ELMO1: variants seen among roughly 807,000 people sequenced by gnomAD.
ELMO1 encodes the protein engulfment and cell motility 1.
ELMO1 carries 26 observed loss-of-function variants against 98.9 expected under a neutral mutation model. The observed-to-expected ratio is 0.26, with a 90% CI of 0.19 to 0.36. ELMO1 has a LOEUF of 0.36. Ranked by LOEUF, ELMO1 falls within the 10% of genes least tolerant of loss-of-function variation. The pLI, the probability that ELMO1 is intolerant of heterozygous loss-of-function variation, is 1.00. For synonymous variants in ELMO1, 346 were observed against 346.0 expected, an observed-to-expected ratio of 1.00 and a Z score of 0.00; for missense variants, 627 against 935.2, an observed-to-expected ratio of 0.67 and a Z score of 4.30.
At chr7:37,259,438 C>T (rs1413739115) in intron 5 of ELMO1, 88 bp from the exon 6 acceptor site, 6 of 1,442,720 alleles carry the variant, frequency 4.2e-6, no homozygotes, top group Non-Finnish European at 3.8e-6. Context: ...AACAGAGATA[C>T]AAAAGCCAAA....
chr7:36,942,171 G>T (rs79348431), intron 16 of ELMO1, among the ~76,000 whole-genome samples: 1,597 of 152,282 alleles, frequency 0.01, 34 homozygotes, highest in African/African-American at 0.036. Flanking sequence ...GCACTCCCCT[G>T]TCAGTCCAGA....
intron 15 of ELMO1, among the ~76,000 whole-genome samples, chr7:37,031,263 C>T (rs904791430): frequency 6.6e-6 from 1 of 152,096 alleles, no homozygotes; most frequent in African/African-American, 2.4e-5. Context: ...GATAAAGTAA[C>T]GCCTCTTCAC....
chr7:37,208,055 T>C (rs1792739117), intron 13 of ELMO1, among the ~76,000 whole-genome samples: 1 of 152,254 alleles, frequency 6.6e-6, no homozygotes, highest in African/African-American at 2.4e-5. Context: ...TTTAATAAAC[T>C]GTTCTTCTTG....
intron 1 of ELMO1, among the ~76,000 whole-genome samples, chr7:37,398,906 A>G (rs1803408198): frequency 6.6e-6 from 1 of 152,194 alleles, no homozygotes; most frequent in Admixed American, 6.5e-5. Context: ...ACCCAGCTCC[A>G]TGAGCATTAT....
chr7:36,964,835 C>A (rs1019769638), intron 16 of ELMO1, among the ~76,000 whole-genome samples: 2 of 152,148 alleles, frequency 1.3e-5, no homozygotes, highest in African/African-American at 4.8e-5. Context: ...CAAATATAAA[C>A]AGCTTAGTCA....
At chr7:37,069,752 A>G (rs1186501522) in intron 15 of ELMO1, among the ~76,000 whole-genome samples, 1 of 152,226 alleles carries the variant, frequency 6.6e-6, no homozygotes, top group African/African-American at 2.4e-5. Context: ...AAACTTTGCT[A>G]GAATGTTCTA....
intron 16 of ELMO1, among the ~76,000 whole-genome samples, chr7:36,974,036 T>G (rs540438897): frequency 1.3e-5 from 2 of 152,310 alleles, no homozygotes; most frequent in African/African-American, 2.4e-5. Context: ...CTCCGTGGGC[T>G]CCTGTGCGTC....
intron 16 of ELMO1, among the ~76,000 whole-genome samples, chr7:36,910,521 T>C (rs1784270556): frequency 6.6e-6 from 1 of 152,206 alleles, no homozygotes; most frequent in South Asian, 2.1e-4. Flanking sequence ...CAAGATCAGT[T>C]TGGCTCTAGT....
At chr7:37,046,392 G>A (rs1795798434) in intron 15 of ELMO1, among the ~76,000 whole-genome samples, 1 of 152,146 alleles carries the variant, frequency 6.6e-6, no homozygotes, top group Admixed American at 6.5e-5. Flanking sequence ...CCTCAGTAAT[G>A]AGAAAAAAAG....
At position 37,187,734 on chromosome 7, in the gene ELMO1, C is replaced by A. The variant is rs73690144; in HGVS notation, c.1086+23652G>T. On this transcript the variant is annotated intron_variant, in intron 13 of 21. Transcript: ENST00000310758. ...CTGTATATACAAGGCCGCAGGTGCA[C>A]TGAAATGTGATAATTTGACTATTTC... Among the ~76,000 whole-genome samples the A allele has an allele frequency of 9.8e-3, 1,495 of 152,238 alleles. 21 individuals are homozygous for A. Among genetic ancestry groups the A allele is most frequent in the African/African-American group, 0.034 (1,430 of 41,544 alleles).
intron 16 of ELMO1, among the ~76,000 whole-genome samples, chr7:36,930,789 A>G (rs1785973284): frequency 6.6e-6 from 1 of 152,188 alleles, no homozygotes. Context: ...CTGTTTTCCA[A>G]TAAGGCAAGG....
chr7:37,440,441 CAAA>C (rs34976721), intron 1 of ELMO1, among the ~76,000 whole-genome samples: 9 of 126,786 alleles, frequency 7.1e-5, no homozygotes, highest in Admixed American at 7.9e-5. Context: ...GACTCTAGCT[CAAA>C]AAAAAAAAAA....
chr7:37,261,854 G>A (rs1562563744), intron 5 of ELMO1, among the ~76,000 whole-genome samples: 2 of 152,090 alleles, frequency 1.3e-5, no homozygotes, highest in East Asian at 1.9e-4. Flanking sequence ...AGCCTGCCTC[G>A]GCCTCCCAAA....
chr7:37,194,844 G>C (rs1791865656), intron 13 of ELMO1, among the ~76,000 whole-genome samples: 1 of 152,198 alleles, frequency 6.6e-6, no homozygotes, highest in Non-Finnish European at 1.5e-5. Flanking sequence ...CTATTTGTAT[G>C]ATTCTCATAG....
At chr7:37,272,017 T>A (rs181752044) in intron 4 of ELMO1, 135 bp from the exon 5 acceptor site, 1 of 721,110 alleles carries the variant, frequency 1.4e-6, no homozygotes, top group African/African-American at 1.8e-5. Flanking sequence ...ATTATTTCTA[T>A]AAAGGCTGTT....
At chr7:37,013,698 C>A (rs1191562443) in intron 15 of ELMO1, 1 of 383,998 alleles carries the variant, frequency 2.6e-6, no homozygotes, top group Non-Finnish European at 4.9e-6. Flanking sequence ...CAGGACAAGA[C>A]CCTCTTGGCT....
At chr7:36,888,449 AGAC>A (rs1483835114) in intron 17 of ELMO1, among the ~76,000 whole-genome samples, 1 of 152,172 alleles carries the variant, frequency 6.6e-6, no homozygotes, top group Non-Finnish European at 1.5e-5. Flanking sequence ...CTGGACAGGG[AGAC>A]CCAGAGCCCA....
At chr7:37,239,589 G>C (rs142432025) in intron 7 of ELMO1, among the ~76,000 whole-genome samples, 1 of 152,236 alleles carries the variant, frequency 6.6e-6, no homozygotes, top group Non-Finnish European at 1.5e-5. Flanking sequence ...AACAGAGATT[G>C]AGTACGAGTT....
chr7:36,987,007 A>G (rs1791557609), intron 16 of ELMO1, among the ~76,000 whole-genome samples: 1 of 152,208 alleles, frequency 6.6e-6, no homozygotes, highest in African/African-American at 2.4e-5. Context: ...TAAAAGTTAA[A>G]GTTTGCAATG....
Sources: allele counts gnomAD v4.1 joint callset (sites outside exome capture counted in the v4.1 genomes callset), GRCh38; gene constraint gnomAD v4.1.1; transcripts MANE v1.5; gene names NCBI Gene and HGNC (gene_info 2026-07-23, HGNC 2026-07-21).